Variants in PAG1 observed in about 807,000 individuals in gnomAD.
PAG1 encodes the protein phosphoprotein associated with glycosphingolipid-enriched microdomains 1.
A neutral mutation model predicts 31.7 loss-of-function variants in PAG1; 23 were observed. The ratio of observed to expected loss-of-function variants is 0.73; its 90% confidence interval spans 0.52 to 1.03. The LOEUF (loss-of-function observed/expected upper bound fraction) is 1.03, where lower values mean the gene tolerates loss of function less well. Among genes scored for constraint, PAG1 ranks in the 50% least tolerant of loss-of-function variants. PAG1 has a pLI of 0.00. For missense variants in PAG1, 473 were observed against 540.7 expected (o/e 0.87, Z 1.24); for synonymous variants, 214 against 210.3 (o/e 1.02, Z -0.15).
chr8:81,101,779 C>A (rs1809614039), intron 1 of PAG1, among the ~76,000 whole-genome samples: 1 of 151,930 alleles, frequency 6.6e-6, no homozygotes, highest in African/African-American at 2.4e-5. Context: ...TTATGGTATT[C>A]AAATTAGATT....
At chr8:81,012,914 T>C (rs555960255) in intron 3 of PAG1, among the ~76,000 whole-genome samples, 2 of 152,236 alleles carry the variant, frequency 1.3e-5, no homozygotes, top group African/African-American at 4.8e-5. Flanking sequence ...ATTTAAAAAA[T>C]TTTTTTTCAC....
intron 5 of PAG1, among the ~76,000 whole-genome samples, chr8:80,989,149 T>A (rs1807486454): frequency 6.6e-6 from 1 of 152,194 alleles, no homozygotes; most frequent in Non-Finnish European, 1.5e-5. Context: ...TGCTGTGCAA[T>A]GATCCAAAAG....
chr8:80,988,988 T>C (rs773946518), intron 5 of PAG1, among the ~76,000 whole-genome samples: 47 of 152,198 alleles, frequency 3.1e-4, no homozygotes, highest in African/African-American at 1.1e-3. Context: ...TCCCTGTTCT[T>C]CTCACAGCCT....
chr8:81,042,097 G>A (rs543974805), intron 2 of PAG1, among the ~76,000 whole-genome samples: 40 of 152,276 alleles, frequency 2.6e-4, no homozygotes, highest in African/African-American at 9.1e-4. Flanking sequence ...ATTAAGGCAG[G>A]TGACAGAACA....
At chr8:81,025,922 A>G (rs1227083546) in intron 3 of PAG1, among the ~76,000 whole-genome samples, 1 of 152,052 alleles carries the variant, frequency 6.6e-6, no homozygotes, top group Non-Finnish European at 1.5e-5. Context: ...GTGTTTACAG[A>G]CCCTAAAGGG....
chr8:81,056,757 A>G (rs1259703404), intron 2 of PAG1, among the ~76,000 whole-genome samples: 5 of 152,246 alleles, frequency 3.3e-5, no homozygotes, highest in African/African-American at 1.2e-4. Context: ...GCAGAGCAAA[A>G]GAAACTACCA....
chr8:81,081,439 T>G (rs1420218795), intron 1 of PAG1, among the ~76,000 whole-genome samples: 1 of 152,198 alleles, frequency 6.6e-6, no homozygotes, highest in African/African-American at 2.4e-5. Context: ...ACTGCTCAGT[T>G]TCCCTCACTG....
At chr8:81,073,528 G>T (rs1192814590) in intron 1 of PAG1, among the ~76,000 whole-genome samples, 1 of 152,154 alleles carries the variant, frequency 6.6e-6, no homozygotes, top group African/African-American at 2.4e-5. Flanking sequence ...TATTCAAAAA[G>T]ACCGGGAGTG....
intron 6 of PAG1, among the ~76,000 whole-genome samples, chr8:80,985,719 G>A (rs1435395338): frequency 1.3e-5 from 2 of 152,156 alleles, no homozygotes; most frequent in Non-Finnish European, 2.9e-5. Context: ...CTGAACTATG[G>A]GAGGCTGGAC....
intron 2 of PAG1, among the ~76,000 whole-genome samples, chr8:81,064,914 T>A (rs553085869): frequency 6.6e-6 from 1 of 152,358 alleles, no homozygotes; most frequent in Admixed American, 6.5e-5. Context: ...GGCATTTATA[T>A]GCTTTCCCTT....
rs1807145890 is a variant in PAG1 at position 80,974,547 on chromosome 8, C to A, written c.*1997G>T. ...GACCAGGCTGATTGCAAAATAATGA[C>A]AACCAACCAGTTTACCTCAACATAG... is the stretch of plus-strand genomic sequence containing the variant. On this transcript the variant is annotated 3_prime_UTR_variant, in exon 9 of 9. Transcript: ENST00000220597. 1 of 152,178 alleles carries A rather than the reference C, an allele frequency of 6.6e-6. No homozygotes were observed. The highest frequency in any genetic ancestry group is 6.5e-5 in the Admixed American group (1 of 15,278). 9.4% of individuals were successfully genotyped at this position (152,178 alleles called of 1,614,324 possible). A position where few individuals can be genotyped will look rare whatever the true frequency, so the allele number is the denominator to read the frequency against.
At chr8:81,087,213 T>C (rs1586211997) in intron 1 of PAG1, among the ~76,000 whole-genome samples, 1 of 151,876 alleles carries the variant, frequency 6.6e-6, no homozygotes, top group East Asian at 1.9e-4. Flanking sequence ...CTTGGTGGCA[T>C]GTGCCTGTAA....
Position 81,069,346 on chromosome 8 carries a change from A to G in PAG1, c.-175+766T>C, listed in dbSNP as rs541196379. Among the ~76,000 whole-genome samples the G allele has an allele frequency of 7.2e-5, 11 of 152,358 alleles. No individual in the cohort carries two copies. The East Asian group carries it at 1.2e-3, about 16-fold the overall frequency. On this transcript the variant is annotated intron_variant, in intron 2 of 8. Transcript: ENST00000220597. ...GAATTCCTTTCCAGGCCATACAGGC[A>G]TTGGATAATGATTTAAAATGAATAT...
chr8:81,005,926 T>C (rs1339544525), intron 3 of PAG1, among the ~76,000 whole-genome samples: 2 of 152,184 alleles, frequency 1.3e-5, no homozygotes, highest in African/African-American at 2.4e-5. Context: ...AGAATCTATA[T>C]TTTAATTTTT....
In PAG1 at chr8:81,082,879, C is replaced by T. The variant is rs114267415; in HGVS notation, c.-233-12709G>A. ...ATCCTTAGCAGACAATTCTAACATC[C>T]CTGTCATTTTGGTGCTGGCCTCTGT... On this transcript the variant is annotated intron_variant, in intron 1 of 8. Coordinates refer to ENST00000220597, the MANE Select transcript of PAG1 (RefSeq NM_018440.4). Among the ~76,000 whole-genome samples the T allele has an allele frequency of 3.4e-3, 511 of 151,954 alleles. 7 individuals carry two copies. The highest frequency in any genetic ancestry group is 0.012 in the African/African-American group (492 of 41,474).
At chr8:81,067,185 T>C (rs1000209449) in intron 2 of PAG1, among the ~76,000 whole-genome samples, 1 of 152,164 alleles carries the variant, frequency 6.6e-6, no homozygotes, top group Non-Finnish European at 1.5e-5. Context: ...AAAAATTATG[T>C]ATGTTTGCCT....
intron 2 of PAG1, among the ~76,000 whole-genome samples, chr8:81,041,611 A>C (rs955871402): frequency 1.3e-5 from 2 of 152,248 alleles, no homozygotes; most frequent in Admixed American, 6.5e-5. Flanking sequence ...TTTAAAAAGT[A>C]AACATATCAC....
At chr8:81,076,621 GA>G (rs1227306006) in intron 1 of PAG1, among the ~76,000 whole-genome samples, 1 of 152,104 alleles carries the variant, frequency 6.6e-6, no homozygotes, top group African/African-American at 2.4e-5. Context: ...CTGCAAAACA[GA>G]AAGAGAAATC....
At position 80,974,840 on chromosome 8, in the gene PAG1, A is replaced by C. The variant is rs1586133149; in HGVS notation, c.*1704T>G. The C allele has an allele frequency of 6.6e-6, 1 of 152,332 alleles. No individual in the cohort carries two copies. Among genetic ancestry groups the C allele is most frequent in the African/African-American group, 2.4e-5 (1 of 41,580 alleles). The allele number at this position is 152,332 out of a possible 1,614,324, so 9.4% of individuals were successfully genotyped here. ...TCTTTCCATAGCCCACACTCATAAT[A>C]GCACTTCAACTAGGCTCCTTTGAAA... On this transcript the variant is annotated 3_prime_UTR_variant, in exon 9 of 9. Coordinates refer to ENST00000220597, the MANE Select transcript of PAG1 (RefSeq NM_018440.4).
Sources: allele counts gnomAD v4.1 joint callset (sites outside exome capture counted in the v4.1 genomes callset), GRCh38; gene constraint gnomAD v4.1.1; transcripts MANE v1.5; gene names NCBI Gene and HGNC (gene_info 2026-07-23, HGNC 2026-07-21).